The following UTP25 variants were observed in gnomAD, a reference collection of about 807,000 sequenced individuals.
UTP25 encodes the protein U3 small nucleolar RNA-associated protein 25 homolog.
A neutral mutation model predicts 78.9 loss-of-function variants in UTP25; 50 were observed. The ratio of observed to expected loss-of-function variants is 0.63; its 90% confidence interval spans 0.50 to 0.80. The LOEUF is 0.80. Ranked by LOEUF, UTP25 falls within the 30% of genes least tolerant of loss-of-function variation. The pLI, the probability that UTP25 is intolerant of heterozygous loss-of-function variation, is 0.00. For synonymous variants in UTP25, 329 were observed against 336.5 expected, an observed-to-expected ratio of 0.98 and a Z score of 0.24; for missense variants, 846 against 911.3, an observed-to-expected ratio of 0.93 and a Z score of 0.92.
chr1:209,831,437 G>A (rs185690853), intron 3 of UTP25, among the ~76,000 whole-genome samples: 30 of 152,308 alleles, frequency 2.0e-4, no homozygotes, highest in African/African-American at 6.3e-4. Context: ...GTAGATTTGC[G>A]ATTGCATGGA....
chr1:209,836,048 C>T lies in UTP25; in HGVS notation c.652-753C>T, dbSNP rs555833767. Among the ~76,000 whole-genome samples, 24 of 152,244 alleles carry T rather than the reference C, an allele frequency of 1.6e-4. No individual in the cohort carries two copies. The East Asian group carries it at 4.4e-3, about 28-fold the overall frequency. On this transcript the variant is annotated intron_variant, in intron 5 of 11. Transcript: ENST00000491415. ...ATCTGCCTCCCTCTGCACCCTGCCC[C>T]ACCCCCATTTCTAACCCCTGGTAAC... is the stretch of plus-strand genomic sequence containing the variant.
chr1:209,828,054 C>T lies in UTP25; in HGVS notation c.-10C>T, dbSNP rs1261636463. ...GACTCTTGCAAGTGGGCAAACTTGA[C>T]GTTTTCGCTATGGGCAAACGCGGGA... On this transcript the variant is annotated 5_prime_UTR_variant, in exon 1 of 12. The change creates a new upstream start codon in the 5' untranslated region. Transcript: ENST00000491415. 7.4e-6 allele frequency: 12 copies of T among 1,611,824 alleles called. No homozygotes were observed. In the East Asian group the frequency reaches 1.6e-4, roughly 21 times the overall value.
Position 209,830,947 on chromosome 1 carries a change from A to G in UTP25, c.292A>G (p.Ser98Gly), listed in dbSNP as rs750343626. 6.8e-6 allele frequency: 11 copies of G among 1,613,766 alleles called. No homozygotes were observed. In the South Asian group the frequency reaches 1.2e-4, roughly 18 times the overall value. Residue 98 changes from serine (S) to glycine (G), a missense_variant, in exon 3 of 12, where the codon AGT (serine) becomes GGT (glycine). Transcript: ENST00000491415. Reference protein sequence around the residue: ...EDEEEEEEEDSIVDDAEMNDE... With the variant: ...EDEEEEEEEDGIVDDAEMNDE... ...TGAGGAGGAGGAAGAGGAAGAAGAC[A>G]GTATTGTAGATGATGCAGAAATGAA...
In UTP25 at chr1:209,840,890, C is replaced by T; in HGVS notation, c.1320C>T (p.Ala440=). The T allele has an allele frequency of 6.2e-7, 1 of 1,613,282 alleles. No individual in the cohort carries two copies. The highest frequency in any genetic ancestry group is 1.1e-5 in the South Asian group (1 of 91,048). The part of the protein sequence containing the change: ...AILQRSIRLY[A]PFYSSDILIA... ...TTCAGAGAAGCATCCGACTCTATGC[C>T]CCGTTTTACTCCTCGGATATCCTCA... The change falls in exon 8 of 12, where the codon GCC becomes GCT. Residue 440 remains alanine (A), a synonymous_variant. Transcript: ENST00000491415.
In UTP25 at chr1:209,854,751, C is replaced by T. The variant is rs1259037473; in HGVS notation, c.*3304C>T. 6.6e-6 allele frequency: 1 copy of T among 152,288 alleles called. No homozygotes were observed. Among genetic ancestry groups the T allele is most frequent in the East Asian group, 1.9e-4 (1 of 5,200 alleles). The allele number at this position is 152,288 out of a possible 1,614,324, so 9.4% of individuals were successfully genotyped here. A position where few individuals can be genotyped will look rare whatever the true frequency, so the allele number is the denominator to read the frequency against. Reference sequence around the variant, plus strand: ...AAGTTCTTTATAGTTGTCTGAAGAGCCTCATTGTCCAACTGCAGGGGCCTG... The same window carrying T: ...AAGTTCTTTATAGTTGTCTGAAGAGTCTCATTGTCCAACTGCAGGGGCCTG... On this transcript the variant is annotated 3_prime_UTR_variant, in exon 12 of 12. Transcript: ENST00000491415.
intron 10 of UTP25, chr1:209,843,076 T>G (rs1248382219): frequency 3.0e-6 from 1 of 335,706 alleles, no homozygotes; most frequent in Non-Finnish European, 5.5e-6. Flanking sequence ...TTGTGTTTAG[T>G]TAGGGGACCC....
At chr1:209,847,409 C>A (rs777455655) in intron 11 of UTP25, among the ~76,000 whole-genome samples, 5 of 152,176 alleles carry the variant, frequency 3.3e-5, no homozygotes, top group Non-Finnish European at 5.9e-5. Flanking sequence ...ATTTTTTCTT[C>A]CTGAACCATT....
In UTP25 at chr1:209,856,811, T is replaced by A. The variant is rs1029138420; in HGVS notation, c.*5364T>A. 2 of 152,252 alleles carry A rather than the reference T, an allele frequency of 1.3e-5. No homozygotes were observed. Among genetic ancestry groups the A allele is most frequent in the Non-Finnish European group, 2.9e-5 (2 of 68,050 alleles). 9.4% of individuals were successfully genotyped at this position (152,252 alleles called of 1,614,324 possible). ...GGAGTGGGCACTCACATGTCTCTGC[T>A]AGCAGTTCTGACGTGTCCATTCCAC... On this transcript the variant is annotated 3_prime_UTR_variant, in exon 12 of 12. Transcript: ENST00000491415.
At position 209,833,189 on chromosome 1, in the gene UTP25, A is replaced by G. The variant is rs760050154; in HGVS notation, c.393A>G (p.Val131=). Residue 131 remains valine (V), a synonymous_variant, in exon 4 of 12, where the codon GTA becomes GTG. Transcript: ENST00000491415. ...AAESTESPEN[V]ALSADPEGKE... is the part of the protein sequence containing the mutation. ...AAATGTTTCTCAAAACTGCAGATGT[A>G]GCTTTATCTGCTGACCCTGAGGGAA... 3.7e-6 allele frequency: 6 copies of G among 1,612,852 alleles called. No homozygotes were observed. The African/African-American group carries it at 4.0e-5, about 11-fold the overall frequency.
rs2078254064 is a variant in UTP25, at chr1:209,853,622, T to C, written c.*2175T>C. 1 of 152,260 alleles carries C rather than the reference T, an allele frequency of 6.6e-6. No homozygotes were observed. Among genetic ancestry groups the C allele is most frequent in the South Asian group, 2.1e-4 (1 of 4,838 alleles). 9.4% of individuals were successfully genotyped at this position (152,260 alleles called of 1,614,324 possible). A position where few individuals can be genotyped will look rare whatever the true frequency, so the allele number is the denominator to read the frequency against. ...ATCTGCCCACCTCAGCCTCCCAAAG[T>C]GCTGGGGTTACAGGCCTGAGCCGCC... On this transcript the variant is annotated 3_prime_UTR_variant, in exon 12 of 12. Transcript: ENST00000491415.
chr1:209,828,197 C>T (rs1299241847), intron 1 of UTP25, 27 bp downstream of exon 1: 3 of 1,569,548 alleles, frequency 1.9e-6, no homozygotes, highest in South Asian at 1.1e-5. Context: ...CAGGGCTCCC[C>T]AGTCGCCAGA....
At chr1:209,828,882 C>T (rs925399531) in intron 1 of UTP25, among the ~76,000 whole-genome samples, 2 of 151,770 alleles carry the variant, frequency 1.3e-5, no homozygotes, top group Non-Finnish European at 2.9e-5. Context: ...AAGCGATTCT[C>T]CTGCCTCAGC....
intron 5 of UTP25, 148 bp from the exon 6 acceptor site, chr1:209,836,653 G>A (rs981936883): frequency 9.9e-6 from 8 of 804,964 alleles, no homozygotes; most frequent in Admixed American, 8.8e-5. Context: ...TATAACATGA[G>A]TATCATGGTA....
chr1:209,832,108 T>A (rs1352435221), intron 3 of UTP25, among the ~76,000 whole-genome samples: 1 of 152,006 alleles, frequency 6.6e-6, no homozygotes, highest in Admixed American at 6.5e-5. Context: ...TTGTTTCTAT[T>A]TTTCTTTGCT....
Position 209,842,281 on chromosome 1 carries a change from T to C in UTP25, c.1502T>C (p.Met501Thr). 6.2e-7 allele frequency: 1 copy of C among 1,613,782 alleles called. No individual in the cohort carries two copies. The highest frequency in any genetic ancestry group is 1.3e-5 in the African/African-American group (1 of 75,034). ...WEHVLHLMNHMNLLPLDSHGV... is the reference protein window; with the variant it reads ...WEHVLHLMNHTNLLPLDSHGV... Reference sequence around the variant, plus strand: ...CACTCAAAGCATTTGATGAATCACATGAACCTACTACCCCTGGACTCACAT... The same window carrying C: ...CACTCAAAGCATTTGATGAATCACACGAACCTACTACCCCTGGACTCACAT... The change falls in exon 9 of 12, where the codon ATG (methionine) becomes ACG (threonine). Residue 501 changes from methionine to threonine, a missense_variant. Met to Thr is a moderately conservative substitution (Grantham distance 81). Transcript: ENST00000491415.
Position 209,852,870 on chromosome 1 carries a change from A to G in UTP25, c.*1423A>G, listed in dbSNP as rs1328096943. ...CTTTCATATCCATATATTGAAAACC[A>G]TGAATTCACACCAGTACCTCCAATT... On this transcript the variant is annotated 3_prime_UTR_variant, in exon 12 of 12. Coordinates refer to ENST00000491415, the MANE Select transcript of UTP25 (RefSeq NM_014388.7). 1 of 152,194 alleles carries G rather than the reference A, an allele frequency of 6.6e-6. No homozygotes were observed. Among genetic ancestry groups the G allele is most frequent in the African/African-American group, 2.4e-5 (1 of 41,438 alleles). 9.4% of individuals were successfully genotyped at this position (152,194 alleles called of 1,614,324 possible).
Position 209,855,840 on chromosome 1 carries a change from C to A in UTP25, c.*4393C>A, listed in dbSNP as rs11580973. 3,066 of 152,462 alleles carry A rather than the reference C, an allele frequency of 0.02. 50 individuals carry two copies. The highest frequency in any genetic ancestry group is 0.034 in the Middle Eastern group (10 of 294). The allele number at this position is 152,462 out of a possible 1,614,324, so 9.4% of individuals were successfully genotyped here. ...AATTCCTGCCCATCTGTTCTCCCAG[C>A]TGAGCCAAGGCCAAAGCTGTCTACC... On this transcript the variant is annotated 3_prime_UTR_variant, in exon 12 of 12. Transcript: ENST00000491415.
intron 4 of UTP25, 94 bp downstream of exon 4, chr1:209,833,452 C>T: frequency 1.8e-6 from 2 of 1,119,582 alleles, no homozygotes; most frequent in African/African-American, 1.6e-5. Context: ...GAACAAACAG[C>T]AATAAAAACA....
Position 209,830,148 on chromosome 1 carries a change from G to C in UTP25, c.147+1G>C. 2 of 1,610,770 alleles carry C rather than the reference G, an allele frequency of 1.2e-6. No homozygotes were observed. Among genetic ancestry groups the C allele is most frequent in the South Asian group, 1.1e-5 (1 of 90,580 alleles). ...AGCAAAGCCACAGATTTGTCAACTGGTAATGCTTTCTACCTTCTTTTTAAT... is the reference window on the plus strand; with the variant it reads ...AGCAAAGCCACAGATTTGTCAACTGCTAATGCTTTCTACCTTCTTTTTAAT... On this transcript the variant is annotated splice_donor_variant, in intron 2 of 11. Transcript: ENST00000491415. LOFTEE classifies it high-confidence loss of function.
Sources: gnomAD v4.1 joint callset for allele counts (sites outside exome capture counted in the v4.1 genomes callset) on GRCh38, gnomAD v4.1.1 for gene constraint, MANE v1.5 for transcripts, NCBI Gene and HGNC (gene_info 2026-07-23, HGNC 2026-07-21) for gene names.